PARD3B: variants seen among roughly 807,000 people sequenced by gnomAD.
PARD3B encodes the protein par-3 family cell polarity regulator beta.
Under a neutral mutation model 130.2 loss-of-function variants are expected in PARD3B, and 103 were observed. That is an observed-to-expected ratio of 0.79 (90% CI 0.67 to 0.93). The LOEUF (loss-of-function observed/expected upper bound fraction) is 0.93. PARD3B is among the 40% of genes least tolerant of loss of function. The pLI is 0.00. For synonymous variants in PARD3B, 583 were observed against 553.2 expected (o/e 1.05, Z -0.76); for missense variants, 1,609 against 1,499.2 (o/e 1.07, Z -1.21).
chr2:205,042,395 T>A (rs1698457382), intron 3 of PARD3B, among the ~76,000 whole-genome samples: 1 of 152,140 alleles, frequency 6.6e-6, no homozygotes, highest in Admixed American at 6.6e-5. Context: ...TTCCTAAAGG[T>A]CTGTACAGTA....
chr2:205,603,903 T>C (rs1341782455), intron 22 of PARD3B, among the ~76,000 whole-genome samples: 2 of 152,138 alleles, frequency 1.3e-5, no homozygotes, highest in Non-Finnish European at 2.9e-5. Flanking sequence ...TGCTAGCTGG[T>C]TATTTTGCAG....
At chr2:205,513,485 C>G (rs1424389376) in intron 21 of PARD3B, among the ~76,000 whole-genome samples, 3 of 151,986 alleles carry the variant, frequency 2.0e-5, no homozygotes, top group Non-Finnish European at 4.4e-5. Context: ...AATTTGAGTA[C>G]CTTCCCATTT....
chr2:205,532,195 T>C (rs2051628216), intron 21 of PARD3B, among the ~76,000 whole-genome samples: 1 of 152,350 alleles, frequency 6.6e-6, no homozygotes, highest in Admixed American at 6.5e-5. Context: ...AAGCAGTGCT[T>C]ACTTCTTCAT....
Position 205,352,771 on chromosome 2 carries a change from T to G in PARD3B, c.2631-48242T>G, listed in dbSNP as rs2044041046. ...CAGCCATGAGCCATCCCCTTGTCAT[T>G]TTCAGCCCCTGACTTGTTCCTGGGG... On this transcript the variant is annotated intron_variant, in intron 18 of 22. Coordinates refer to ENST00000406610, the MANE Select transcript of PARD3B (RefSeq NM_001302769.2). This position sits in a 1 kb window ranked among gnomAD's most constrained non-coding sequence, Gnocchi z 5.2. Among the ~76,000 whole-genome samples, 1 of 152,150 alleles carries G rather than the reference T, an allele frequency of 6.6e-6. No individual in the cohort carries two copies.
intron 22 of PARD3B, among the ~76,000 whole-genome samples, chr2:205,587,114 T>C (rs2054225179): frequency 6.6e-6 from 1 of 152,186 alleles, no homozygotes; most frequent in Admixed American, 6.5e-5. Flanking sequence ...AAGACCTACA[T>C]TACTATCAGG....
At position 204,965,200 on chromosome 2, in the gene PARD3B, C is replaced by G; in HGVS notation, c.271C>G (p.Pro91Ala). 6.2e-7 allele frequency: 1 copy of G among 1,613,880 alleles called. No individual in the cohort carries two copies. Among genetic ancestry groups the G allele is most frequent in the Non-Finnish European group, 8.5e-7 (1 of 1,179,886 alleles). The stretch of plus-strand genomic sequence containing the variant: ...AGAACCACTCCACAAGATTGAGAGC[C>G]CCAGTGGAAACCCTGCAGATCGGCA... ...EQEPLHKIES[P>A]SGNPADRQSP... Residue 91 changes from proline (P) to alanine (A), a missense_variant, in exon 3 of 23, where the codon CCC becomes GCC. By Grantham distance (27) the Pro-to-Ala change is conservative. Coordinates refer to ENST00000406610, the MANE Select transcript of PARD3B (RefSeq NM_001302769.2).
intron 18 of PARD3B, among the ~76,000 whole-genome samples, chr2:205,393,459 C>T (rs781623841): frequency 6.6e-5 from 10 of 152,136 alleles, no homozygotes; most frequent in African/African-American, 1.9e-4. Context: ...TTAATAGTAG[C>T]GATGACTAGA....
chr2:205,392,003 TTTTG>T (rs77094794), intron 18 of PARD3B, among the ~76,000 whole-genome samples: 4,395 of 152,274 alleles, frequency 0.029, 92 homozygotes, highest in Middle Eastern at 0.058. Context: ...AGGCTCTCTC[TTTTG>T]TTTGTTTGGT....
chr2:205,415,980 G>T (rs2046761908), intron 19 of PARD3B, among the ~76,000 whole-genome samples: 1 of 152,040 alleles, frequency 6.6e-6, no homozygotes, highest in East Asian at 1.9e-4. Flanking sequence ...ACATGTTTAT[G>T]ATTCTATTTA....
chr2:205,127,468 G>A lies in PARD3B; in HGVS notation c.1434+1731G>A, dbSNP rs1354067035. On this transcript the variant is annotated intron_variant, in intron 10 of 22. Transcript: ENST00000406610. The stretch of plus-strand genomic sequence containing the variant: ...GTAGGTTCCCAGAGTTAGGTTATTG[G>A]AACAGTAAGGATTAGTTGACAGAAC... Among the ~76,000 whole-genome samples the A allele has an allele frequency of 2.0e-5, 3 of 152,144 alleles. No individual in the cohort carries two copies. In the East Asian group the frequency reaches 5.8e-4, roughly 29 times the overall value.
chr2:205,164,420 A>C (rs1006917907), intron 11 of PARD3B, among the ~76,000 whole-genome samples: 4 of 152,168 alleles, frequency 2.6e-5, no homozygotes, highest in Non-Finnish European at 5.9e-5. Context: ...GTGCCTGTGA[A>C]TAGTCACTGT....
chr2:204,929,813 A>G (rs1203250734), intron 2 of PARD3B, among the ~76,000 whole-genome samples: 1 of 152,052 alleles, frequency 6.6e-6, no homozygotes, highest in Non-Finnish European at 1.5e-5. Flanking sequence ...AAAAGATGCT[A>G]CTATTTAGAC....
At chr2:205,223,672 A>G (rs2038364998) in intron 15 of PARD3B, among the ~76,000 whole-genome samples, 1 of 152,184 alleles carries the variant, frequency 6.6e-6, no homozygotes, top group African/African-American at 2.4e-5. Context: ...TGTTCTCAGC[A>G]ATGATTTCAT....
chr2:204,662,694 G>C (rs1339478338), intron 1 of PARD3B, among the ~76,000 whole-genome samples: 2 of 152,168 alleles, frequency 1.3e-5, no homozygotes, highest in African/African-American at 4.8e-5. Context: ...GAAACTGCCT[G>C]TTGTTTATGT....
chr2:205,326,729 C>G (rs1228948296), intron 18 of PARD3B, among the ~76,000 whole-genome samples: 1 of 152,082 alleles, frequency 6.6e-6, no homozygotes, highest in Non-Finnish European at 1.5e-5. Context: ...TAGGTCAAAT[C>G]TATGTGGAAG....
intron 1 of PARD3B, among the ~76,000 whole-genome samples, chr2:204,635,502 GA>G (rs768594416): frequency 2.6e-5 from 4 of 152,094 alleles, no homozygotes; most frequent in Non-Finnish European, 5.9e-5. Context: ...CGTTCCTCAG[GA>G]ATTAACATGG....
intron 2 of PARD3B, among the ~76,000 whole-genome samples, chr2:204,792,296 A>G (rs1341158525): frequency 6.6e-6 from 1 of 152,174 alleles, no homozygotes; most frequent in Non-Finnish European, 1.5e-5. Flanking sequence ...TTCACCTATC[A>G]TATTTTTTCT....
At chr2:205,051,440 G>T (rs1699184237) in intron 4 of PARD3B, among the ~76,000 whole-genome samples, 2 of 152,212 alleles carry the variant, frequency 1.3e-5, no homozygotes, top group Admixed American at 1.3e-4. Context: ...CAGAGCCCCA[G>T]GTGGGTTATG....
chr2:205,356,109 G>A (rs566657675), intron 18 of PARD3B, among the ~76,000 whole-genome samples: 1 of 152,270 alleles, frequency 6.6e-6, no homozygotes, highest in East Asian at 1.9e-4. Flanking sequence ...GTGACACTGA[G>A]CAAGCCACTG....
Sources: gnomAD v4.1 joint callset for allele counts (sites outside exome capture counted in the v4.1 genomes callset) on GRCh38, gnomAD v4.1.1 for gene constraint, Gnocchi (gnomAD v3.1) non-coding constraint, MANE v1.5 for transcripts, NCBI Gene and HGNC (gene_info 2026-07-23, HGNC 2026-07-21) for gene names.